Variants in CCDC66 observed in about 807,000 individuals in gnomAD.
CCDC66 encodes the protein coiled-coil domain containing 66.
In CCDC66, 133 loss-of-function variants were observed where a neutral mutation model predicts 128.3. The observed-to-expected ratio is 1.04, with a 90% CI of 0.90 to 1.20. The LOEUF (loss-of-function observed/expected upper bound fraction) is 1.20. CCDC66 is among the 50% of genes most tolerant of loss of function. The probability of loss-of-function intolerance (pLI) is 0.00; values close to 1 mark genes in which losing one functional copy is unlikely to be tolerated. For missense variants in CCDC66, 1,126 were observed against 1,075.5 expected (o/e 1.05, Z -0.66); for synonymous variants, 387 against 357.0 (o/e 1.08, Z -0.95).
At chr3:56,586,201 G>C (rs987607720) in intron 7 of CCDC66, among the ~76,000 whole-genome samples, 3 of 151,906 alleles carry the variant, frequency 2.0e-5, no homozygotes, top group Non-Finnish European at 2.9e-5. Context: ...TATTATGATT[G>C]TGAAAATCAG....
At chr3:56,594,295 GTT>G (rs74266053) in intron 10 of CCDC66, among the ~76,000 whole-genome samples, 2 of 145,150 alleles carry the variant, frequency 1.4e-5, no homozygotes, top group East Asian at 2.0e-4. Context: ...GTTAGTACTG[GTT>G]TTTTTTTTTT....
At chr3:56,621,166 A>AAAC (rs1457899481) in intron 17 of CCDC66, 1 of 154,700 alleles carries the variant, frequency 6.5e-6, no homozygotes, top group Non-Finnish European at 1.4e-5. Flanking sequence ...CTCCAAAAAA[A>AAAC]AACAAAACAA....
In CCDC66 at chr3:56,619,386, A is replaced by C; in HGVS notation, c.2494A>C (p.Asn832His). Reference sequence around the variant, plus strand: ...GAGAGAGAATTTGATCTCAGGAAGTAATCAAACAGAATTATCATCTGGGAT... The same window carrying C: ...GAGAGAGAATTTGATCTCAGGAAGTCATCAAACAGAATTATCATCTGGGAT... The part of the protein sequence containing the change: ...YERENLISGS[N>H]QTELSSGISE... The change falls in exon 16 of 18, where the codon AAT becomes CAT. Residue 832 changes from asparagine (N) to histidine (H), a missense_variant. Transcript: ENST00000394672. 1 of 1,614,038 alleles carries C rather than the reference A, an allele frequency of 6.2e-7. No homozygotes were observed. Among genetic ancestry groups the C allele is most frequent in the Non-Finnish European group, 8.5e-7 (1 of 1,179,908 alleles).
intron 7 of CCDC66, among the ~76,000 whole-genome samples, chr3:56,576,194 T>C (rs1002137090): frequency 6.6e-5 from 10 of 151,648 alleles, no homozygotes; most frequent in Non-Finnish European, 1.5e-4. Context: ...TTTGTGTCTT[T>C]AATTTTTTTT....
chr3:56,604,192 C>T (rs34222652), intron 10 of CCDC66, among the ~76,000 whole-genome samples: 23,435 of 152,034 alleles, frequency 0.15, 2,469 homozygotes, highest in Admixed American at 0.28. Flanking sequence ...GATGGGTCTC[C>T]TGAATACAGC....
intron 4 of CCDC66, among the ~76,000 whole-genome samples, chr3:56,566,338 T>C (rs567797063): frequency 2.0e-5 from 3 of 152,258 alleles, no homozygotes; most frequent in African/African-American, 7.2e-5. Flanking sequence ...TTGCCCAGGC[T>C]GATCTCGAAC....
chr3:56,621,391 A>G (rs1300868495), intron 17 of CCDC66, 141 bp from the exon 18 acceptor site: 1 of 528,654 alleles, frequency 1.9e-6, no homozygotes, highest in Non-Finnish European at 3.4e-6. Context: ...GTCTAGTACA[A>G]GCATTTCTGA....
chr3:56,584,693 G>A (rs940972344), intron 7 of CCDC66, among the ~76,000 whole-genome samples: 9 of 151,846 alleles, frequency 5.9e-5, no homozygotes, highest in African/African-American at 9.7e-5. Context: ...GCAGGGTGGC[G>A]GCCGGGCAGA....
intron 14 of CCDC66, 133 bp downstream of exon 14, chr3:56,617,738 G>A: frequency 1.7e-5 from 18 of 1,065,210 alleles, no homozygotes; most frequent in Non-Finnish European, 2.3e-5. Flanking sequence ...ATATCCCATG[G>A]GCAAATCCAG....
chr3:56,585,293 A>G (rs1015514279), intron 7 of CCDC66, among the ~76,000 whole-genome samples: 1 of 151,884 alleles, frequency 6.6e-6, no homozygotes, highest in African/African-American at 2.4e-5. Flanking sequence ...CAATACATAC[A>G]ATCATAGGAA....
chr3:56,557,400 G>C, intron 1 of CCDC66, 147 bp downstream of exon 1: 5 of 1,106,556 alleles, frequency 4.5e-6, no homozygotes, highest in Non-Finnish European at 6.4e-6. Flanking sequence ...CCCAGTTCTC[G>C]GGTAGAAGAT....
chr3:56,566,529 C>T (rs2065883940), intron 4 of CCDC66, 65 bp from the exon 5 acceptor site: 2 of 1,078,092 alleles, frequency 1.9e-6, no homozygotes, highest in Non-Finnish European at 2.8e-6. Context: ...CTGTATAGCA[C>T]TATGCCAAGT....
At chr3:56,572,262 A>T in intron 7 of CCDC66, 1 of 838,748 alleles carries the variant, frequency 1.2e-6, no homozygotes, top group Non-Finnish European at 1.7e-6. Flanking sequence ...TGTGATTTTT[A>T]AATTTTATCT....
chr3:56,571,330 A>G, intron 7 of CCDC66, 28 bp downstream of exon 7: 1 of 1,421,418 alleles, frequency 7.0e-7, no homozygotes, highest in Non-Finnish European at 9.7e-7. Context: ...CAATTTTTAA[A>G]ATACTAAGCA....
chr3:56,613,594 C>A lies in CCDC66; in HGVS notation c.1410C>A (p.Ala470=). The change falls in exon 11 of 18, where the codon GCC becomes GCA. Residue 470 remains alanine, a synonymous_variant. Coordinates refer to ENST00000394672, the MANE Select transcript of CCDC66 (RefSeq NM_001141947.3). The part of the protein sequence containing the change: ...RRQKQLEHQK[A]ITAQVEEKRR... The stretch of plus-strand genomic sequence containing the variant: ...ACGTGATTGCTTATGACTAGAAAGC[C>A]ATCACTGCCCAGGTAGAAGAGAAGC... 6.2e-7 allele frequency: 1 copy of A among 1,609,278 alleles called. No homozygotes were observed. Among genetic ancestry groups the A allele is most frequent in the South Asian group, 1.1e-5 (1 of 90,048 alleles).
intron 14 of CCDC66, 61 bp from the exon 15 acceptor site, chr3:56,618,111 T>G: frequency 2.3e-6 from 3 of 1,296,280 alleles, no homozygotes; most frequent in East Asian, 2.3e-5. Context: ...CCTAAAAATA[T>G]TTGTGGGGAC....
At chr3:56,565,673 G>A (rs1007855300) in intron 4 of CCDC66, among the ~76,000 whole-genome samples, 1 of 149,992 alleles carries the variant, frequency 6.7e-6, no homozygotes, top group Non-Finnish European at 1.5e-5. Context: ...CTGGAGTCTC[G>A]CTGCGTCGCC....
chr3:56,574,657 G>C (rs1472889139), intron 7 of CCDC66, among the ~76,000 whole-genome samples: 2 of 151,830 alleles, frequency 1.3e-5, no homozygotes, highest in African/African-American at 4.8e-5. Flanking sequence ...AATAGTGACT[G>C]ACAATAGAAC....
chr3:56,591,424 C>G (rs1453341598), intron 7 of CCDC66, among the ~76,000 whole-genome samples: 1 of 152,142 alleles, frequency 6.6e-6, no homozygotes, highest in African/African-American at 2.4e-5. Context: ...TTCCCTGGGT[C>G]ACACTGCAAG....
Sources: allele counts gnomAD v4.1 joint callset (sites outside exome capture counted in the v4.1 genomes callset), GRCh38; gene constraint gnomAD v4.1.1; transcripts MANE v1.5; gene names NCBI Gene and HGNC (gene_info 2026-07-23, HGNC 2026-07-21).